The following UNC5C variants were observed in gnomAD, a reference collection of about 807,000 sequenced individuals.
UNC5C encodes unc-5 netrin receptor C.
Under a neutral mutation model 99.8 loss-of-function variants are expected in UNC5C, and 47 were observed. That is an observed-to-expected ratio of 0.47 (90% CI 0.37 to 0.60). The LOEUF is 0.60. Ranked by LOEUF, UNC5C falls within the 20% of genes least tolerant of loss-of-function variation. UNC5C has a pLI of 0.00. For missense variants in UNC5C, 1,062 were observed against 1,165.9 expected (o/e 0.91, Z 1.30); for synonymous variants, 487 against 452.2 (o/e 1.08, Z -0.98).
chr4:95,536,082 A>ATAT (rs1180330785), intron 1 of UNC5C, among the ~76,000 whole-genome samples: 4 of 78,450 alleles, frequency 5.1e-5, no homozygotes, highest in South Asian at 3.6e-4. Flanking sequence ...ATATATATAT[A>ATAT]TTTTTTTTTT....
chr4:95,401,669 C>T (rs899178183), intron 1 of UNC5C, among the ~76,000 whole-genome samples: 2 of 152,150 alleles, frequency 1.3e-5, no homozygotes, highest in Non-Finnish European at 2.9e-5. Context: ...AGCGCCTCTT[C>T]GTGATATTTT....
In UNC5C at chr4:95,183,073, G is replaced by GA. The variant is rs200027233; in HGVS notation, c.2287-13dup. The stretch of plus-strand genomic sequence containing the variant: ...TAAAATGGAATTTCCTAAAGGATAT[G>GA]AAAGTGTTAACCACAATTGAAGGAC... On this transcript the variant is annotated splice_polypyrimidine_tract_variant and intron_variant, in intron 13 of 15. Coordinates refer to ENST00000453304, the MANE Select transcript of UNC5C (RefSeq NM_003728.4). 597 of 1,595,570 alleles carry GA rather than the reference G, an allele frequency of 3.7e-4. No homozygotes were observed. The African/African-American group carries it at 6.5e-3, about 17-fold the overall frequency.
At chr4:95,182,818 GAT>G in intron 14 of UNC5C, 77 bp downstream of exon 14, 2 of 1,478,090 alleles carry the variant, frequency 1.4e-6, no homozygotes, top group Non-Finnish European at 1.8e-6. Context: ...ACTATGTTGA[GAT>G]ACCCTTTTAG....
At position 95,463,299 on chromosome 4, in the gene UNC5C, C is replaced by A. The variant is rs1029863001; in HGVS notation, c.124+85435G>T. On this transcript the variant is annotated intron_variant, in intron 1 of 15. Coordinates refer to ENST00000453304, the MANE Select transcript of UNC5C (RefSeq NM_003728.4). ...TAACAGGGAGAACAAGAAGGCTCTGCCGCTAAGAGGAAGGGCGTTCAGGAA... is the reference window on the plus strand; with the variant it reads ...TAACAGGGAGAACAAGAAGGCTCTGACGCTAAGAGGAAGGGCGTTCAGGAA... 9.2e-5 allele frequency among the ~76,000 whole-genome samples: 14 copies of A among 152,246 alleles called. No individual in the cohort carries two copies. The South Asian group carries it at 2.1e-3, about 23-fold the overall frequency.
At chr4:95,423,601 A>G (rs143688573) in intron 1 of UNC5C, among the ~76,000 whole-genome samples, 14 of 152,338 alleles carry the variant, frequency 9.2e-5, no homozygotes, top group Admixed American at 2.6e-4. Flanking sequence ...TTCGTCTTTC[A>G]GTATTTAGAA....
At chr4:95,250,125 G>T (rs189892145) in intron 5 of UNC5C, among the ~76,000 whole-genome samples, 5 of 152,146 alleles carry the variant, frequency 3.3e-5, no homozygotes, top group Non-Finnish European at 5.9e-5. Context: ...AAAGGGCTGA[G>T]GTTGTCTGAG....
intron 1 of UNC5C, among the ~76,000 whole-genome samples, chr4:95,417,968 G>C (rs770029930): frequency 1.1e-4 from 17 of 152,112 alleles, no homozygotes; most frequent in Admixed American, 2.0e-4. Flanking sequence ...GCTGTATTTT[G>C]TTCCAAAGAA....
chr4:95,488,139 C>T (rs1263238834), intron 1 of UNC5C, among the ~76,000 whole-genome samples: 4 of 151,648 alleles, frequency 2.6e-5, no homozygotes, highest in Admixed American at 1.3e-4. Flanking sequence ...TAAACAGTCT[C>T]TATCCTGGAA....
chr4:95,501,351 A>G (rs1040674143), intron 1 of UNC5C, among the ~76,000 whole-genome samples: 3 of 152,102 alleles, frequency 2.0e-5, no homozygotes, highest in Non-Finnish European at 4.4e-5. Flanking sequence ...ACAAGTATCA[A>G]TCATTCCACA....
intron 12 of UNC5C, among the ~76,000 whole-genome samples, chr4:95,202,327 A>G (rs1489174811): frequency 6.6e-6 from 1 of 152,232 alleles, no homozygotes; most frequent in Non-Finnish European, 1.5e-5. Flanking sequence ...CACAGCCCTC[A>G]TAAAAAGAAT....
At chr4:95,352,005 T>C (rs1445920843) in intron 1 of UNC5C, among the ~76,000 whole-genome samples, 1 of 152,122 alleles carries the variant, frequency 6.6e-6, no homozygotes, top group Non-Finnish European at 1.5e-5. Flanking sequence ...CCTTGCTGCC[T>C]GGATACAGTC....
At chr4:95,458,871 T>C (rs1297636711) in intron 1 of UNC5C, among the ~76,000 whole-genome samples, 2 of 152,050 alleles carry the variant, frequency 1.3e-5, no homozygotes, top group Non-Finnish European at 2.9e-5. Flanking sequence ...AATGGTATGA[T>C]GGGAATTTAT....
intron 1 of UNC5C, among the ~76,000 whole-genome samples, chr4:95,389,882 G>A (rs1275954778): frequency 6.6e-6 from 1 of 152,078 alleles, no homozygotes; most frequent in African/African-American, 2.4e-5. Flanking sequence ...ATATTATTAA[G>A]ATAATTTTAG....
chr4:95,477,952 T>C lies in UNC5C; in HGVS notation c.124+70782A>G, dbSNP rs751251190. Among the ~76,000 whole-genome samples the C allele has an allele frequency of 1.2e-4, 18 of 152,122 alleles. No individual in the cohort carries two copies. The South Asian group carries it at 1.5e-3, about 12-fold the overall frequency. ...CAATTAATAGTACCTACTTTACAGG[T>C]TGACATGCAAATTAAATAAGTTCAT... On this transcript the variant is annotated intron_variant, in intron 1 of 15. Transcript: ENST00000453304.
intron 1 of UNC5C, among the ~76,000 whole-genome samples, chr4:95,461,551 A>G (rs544551422): frequency 1.3e-5 from 2 of 152,322 alleles, no homozygotes; most frequent in African/African-American, 4.8e-5. Context: ...CAAATATCTC[A>G]AGCTGATTAA....
chr4:95,301,849 C>T lies in UNC5C; in HGVS notation c.347-100G>A. 2.1e-6 allele frequency: 3 copies of T among 1,424,978 alleles called. No individual in the cohort carries two copies. The South Asian group carries it at 4.0e-5, about 19-fold the overall frequency. 88.3% of individuals were successfully genotyped at this position (1,424,978 alleles called of 1,614,324 possible). ...TTTCCCCCAGTCATCCCTTTTGATG[C>T]CATAGATCAACAACCCAGATATTGT... On this transcript the variant is annotated intron_variant, in intron 2 of 15. Coordinates refer to ENST00000453304, the MANE Select transcript of UNC5C (RefSeq NM_003728.4).
At chr4:95,262,226 T>G (rs1265363960) in intron 4 of UNC5C, among the ~76,000 whole-genome samples, 1 of 152,166 alleles carries the variant, frequency 6.6e-6, no homozygotes, top group African/African-American at 2.4e-5. Context: ...TGGTTTAAAT[T>G]CTTTGCTTTC....
At chr4:95,505,738 T>C (rs1229813604) in intron 1 of UNC5C, among the ~76,000 whole-genome samples, 2 of 152,050 alleles carry the variant, frequency 1.3e-5, no homozygotes, top group African/African-American at 2.4e-5. Flanking sequence ...AATATAGCCT[T>C]ATATCTAACT....
At chr4:95,378,622 G>A (rs1446265621) in intron 1 of UNC5C, among the ~76,000 whole-genome samples, 1 of 152,094 alleles carries the variant, frequency 6.6e-6, no homozygotes, top group Non-Finnish European at 1.5e-5. Flanking sequence ...ATCTCCAATA[G>A]ATATTTATTT....
Sources: gnomAD v4.1 joint callset for allele counts (sites outside exome capture counted in the v4.1 genomes callset) on GRCh38, gnomAD v4.1.1 for gene constraint, MANE v1.5 for transcripts, NCBI Gene and HGNC (gene_info 2026-07-23, HGNC 2026-07-21) for gene names.